Variants in DBT observed in about 807,000 individuals in gnomAD.
DBT encodes the protein dihydrolipoamide branched chain transacylase E2, also known as lipoamide acyltransferase component of branched-chain alpha-keto acid dehydrogenase complex, mitochondrial.
A neutral mutation model predicts 51.3 loss-of-function variants in DBT; 40 were observed. The observed-to-expected ratio is 0.78, with a 90% confidence interval of 0.61 to 1.02. The LOEUF is 1.02. Ranked by LOEUF, DBT falls within the 50% of genes least tolerant of loss-of-function variation. The pLI is 0.00. For missense variants in DBT, 510 were observed against 580.2 expected, an observed-to-expected ratio of 0.88 and a Z score of 1.24; for synonymous variants, 181 against 190.4, an observed-to-expected ratio of 0.95 and a Z score of 0.41.
chr1:100,201,325 G>A (rs1237946768), intron 10 of DBT, among the ~76,000 whole-genome samples: 1 of 151,968 alleles, frequency 6.6e-6, no homozygotes, highest in Non-Finnish European at 1.5e-5. Flanking sequence ...TCAACTTTAT[G>A]AAATAAAGCA....
At chr1:100,221,074 C>T (rs1570823541) in intron 4 of DBT, among the ~76,000 whole-genome samples, 1 of 152,144 alleles carries the variant, frequency 6.6e-6, no homozygotes, top group African/African-American at 2.4e-5. Context: ...AAATATATAA[C>T]ATACAAAAAT....
intron 4 of DBT, among the ~76,000 whole-genome samples, chr1:100,225,022 CAA>C (rs1553231585): frequency 7.7e-5 from 5 of 64,836 alleles, no homozygotes; most frequent in African/African-American, 4.4e-4. Context: ...CGTCTCCCCC[CAA>C]AAAAAAAAAA....
chr1:100,221,682 A>C (rs2100810222), intron 4 of DBT, among the ~76,000 whole-genome samples: 1 of 152,328 alleles, frequency 6.6e-6, no homozygotes, highest in Middle Eastern at 3.4e-3. Flanking sequence ...TACAGTTTTA[A>C]AAGCTTTAAC....
In DBT at chr1:100,209,852, G is replaced by A. The variant is rs374170135; in HGVS notation, c.1017+842C>T. ...GCTGGGATTATAGGCGTGAGCCACC[G>A]TGCCCAGCCTCTGGTTGTGCACTTC... On this transcript the variant is annotated intron_variant, in intron 8 of 10. Transcript: ENST00000370132. 7.9e-5 allele frequency among the ~76,000 whole-genome samples: 12 copies of A among 152,152 alleles called. No individual in the cohort carries two copies. The South Asian group carries it at 2.5e-3, about 32-fold the overall frequency.
rs912759415 is a variant in DBT, at chr1:100,195,321, C to A, written c.*934G>T. The A allele has an allele frequency of 6.6e-6, 1 of 152,578 alleles. No individual in the cohort carries two copies. The highest frequency in any genetic ancestry group is 2.4e-5 in the African/African-American group (1 of 41,428). 9.5% of individuals were successfully genotyped at this position (152,578 alleles called of 1,614,324 possible). The stretch of plus-strand genomic sequence containing the variant: ...ATTACCACAAATCTAAAACTATATC[C>A]ATTTTAAACAAACACCTTTAATAGA... On this transcript the variant is annotated 3_prime_UTR_variant, in exon 11 of 11. Coordinates refer to ENST00000370132, the MANE Select transcript of DBT (RefSeq NM_001918.5).
chr1:100,193,944 C>T lies in DBT; in HGVS notation c.*2311G>A, dbSNP rs1660934237. The T allele has an allele frequency of 6.6e-6, 1 of 152,086 alleles. No homozygotes were observed. Among genetic ancestry groups the T allele is most frequent in the Non-Finnish European group, 1.5e-5 (1 of 68,006 alleles). 9.4% of individuals were successfully genotyped at this position (152,086 alleles called of 1,614,324 possible). ...ATGACAATGTGGAATTGTTTATTGA[C>T]ATGTAAGGTTACCCATAATATAATG... On this transcript the variant is annotated 3_prime_UTR_variant, in exon 11 of 11. Transcript: ENST00000370132.
chr1:100,215,211 G>C (rs1009093154), intron 6 of DBT, among the ~76,000 whole-genome samples: 2 of 152,058 alleles, frequency 1.3e-5, no homozygotes, highest in African/African-American at 4.8e-5. Flanking sequence ...TAACATAGCA[G>C]GTAACTGCTT....
intron 1 of DBT, among the ~76,000 whole-genome samples, chr1:100,247,973 G>A (rs1664645530): frequency 2.0e-5 from 3 of 151,958 alleles, no homozygotes; most frequent in Admixed American, 2.0e-4. Flanking sequence ...ATGGTGGCGT[G>A]TGCCTGTAGT....
intron 2 of DBT, among the ~76,000 whole-genome samples, chr1:100,238,849 A>G (rs914775096): frequency 6.6e-6 from 1 of 152,176 alleles, no homozygotes; most frequent in African/African-American, 2.4e-5. Flanking sequence ...CAAGTCTTCA[A>G]TGAGGTGAGA....
chr1:100,208,818 G>A lies in DBT; in HGVS notation c.1017+1876C>T, dbSNP rs1483637772. Reference sequence around the variant, plus strand: ...AGCTACTCAGAAGGCTGCGGTGGGAGGTGGACACTGCAGTGAGGCGATGAT... The same window carrying A: ...AGCTACTCAGAAGGCTGCGGTGGGAAGTGGACACTGCAGTGAGGCGATGAT... On this transcript the variant is annotated intron_variant, in intron 8 of 10. Transcript: ENST00000370132. 2.0e-5 allele frequency among the ~76,000 whole-genome samples: 3 copies of A among 150,818 alleles called. No individual in the cohort carries two copies. The East Asian group carries it at 5.8e-4, about 29-fold the overall frequency.
At chr1:100,202,416 C>G (rs1661511278) in intron 10 of DBT, among the ~76,000 whole-genome samples, 1 of 152,170 alleles carries the variant, frequency 6.6e-6, no homozygotes, top group African/African-American at 2.4e-5. Flanking sequence ...AAAGCAAGTT[C>G]TTAGAGACTG....
Position 100,195,618 on chromosome 1 carries a change from G to A in DBT, c.*637C>T, listed in dbSNP as rs576708022. 2.0e-5 allele frequency: 3 copies of A among 152,154 alleles called. No homozygotes were observed. The highest frequency in any genetic ancestry group is 7.2e-5 in the African/African-American group (3 of 41,484). 9.4% of individuals were successfully genotyped at this position (152,154 alleles called of 1,614,324 possible). A position where few individuals can be genotyped will look rare whatever the true frequency, so the allele number is the denominator to read the frequency against. The stretch of plus-strand genomic sequence containing the variant: ...CATTAAGAGTCAGTTAAAAAAAATA[G>A]GGCATATACTGTCTGTATATGGCTA... On this transcript the variant is annotated 3_prime_UTR_variant, in exon 11 of 11. Transcript: ENST00000370132.
intron 10 of DBT, among the ~76,000 whole-genome samples, chr1:100,197,899 G>A (rs1490959500): frequency 6.6e-6 from 1 of 151,902 alleles, no homozygotes; most frequent in African/African-American, 2.4e-5. Flanking sequence ...ATGACACAAA[G>A]GGAGAAAGGA....
At chr1:100,200,867 A>G (rs1661396342) in intron 10 of DBT, among the ~76,000 whole-genome samples, 1 of 152,212 alleles carries the variant, frequency 6.6e-6, no homozygotes, top group Non-Finnish European at 1.5e-5. Context: ...TATCAACATC[A>G]ACAAAAAGGA....
chr1:100,199,793 G>A (rs773667372), intron 10 of DBT, among the ~76,000 whole-genome samples: 2 of 152,168 alleles, frequency 1.3e-5, no homozygotes, highest in Non-Finnish European at 2.9e-5. Flanking sequence ...AGGCGCAAGG[G>A]GTCAGGGAAC....
At chr1:100,210,574 A>G (rs897654264) in intron 8 of DBT, 120 bp downstream of exon 8, 3 of 1,361,066 alleles carry the variant, frequency 2.2e-6, no homozygotes, top group Non-Finnish European at 3.0e-6. Context: ...TTTACCCCAT[A>G]CCTTTAATTC....
intron 4 of DBT, among the ~76,000 whole-genome samples, chr1:100,227,178 T>C (rs1663267566): frequency 1.3e-5 from 2 of 152,344 alleles, no homozygotes; most frequent in Admixed American, 1.3e-4. Context: ...AGTAAAGATG[T>C]GTTATAATCT....
chr1:100,215,037 CT>C (rs11431894), intron 6 of DBT, 54 bp from the exon 7 acceptor site: 22,276 of 949,070 alleles, frequency 0.023, no homozygotes, highest in Middle Eastern at 0.028. Flanking sequence ...TCTCTTCATC[CT>C]TTTTTTTTTT....
chr1:100,222,766 G>A (rs1662929379), intron 4 of DBT, among the ~76,000 whole-genome samples: 1 of 152,006 alleles, frequency 6.6e-6, no homozygotes, highest in Non-Finnish European at 1.5e-5. Flanking sequence ...TCCTTTCACT[G>A]CCCCATGGTA....
Sources: allele counts gnomAD v4.1 joint callset (sites outside exome capture counted in the v4.1 genomes callset), GRCh38; gene constraint gnomAD v4.1.1; transcripts MANE v1.5; gene names NCBI Gene and HGNC (gene_info 2026-07-23, HGNC 2026-07-21).